The following AP5M1 variants were observed in gnomAD, a reference collection of about 807,000 sequenced individuals.
AP5M1 encodes the protein adaptor related protein complex 5 subunit mu 1.
In AP5M1, 44 loss-of-function variants were observed where a neutral mutation model predicts 52.3. The ratio of observed to expected loss-of-function variants is 0.84; its 90% CI spans 0.66 to 1.08. AP5M1 has a LOEUF of 1.08. AP5M1 is among the 50% of genes least tolerant of loss of function. The pLI, the probability that AP5M1 is intolerant of heterozygous loss-of-function variation, is 0.00. For missense variants in AP5M1, 526 were observed against 568.4 expected (o/e 0.93, Z 0.76); for synonymous variants, 213 against 199.0 (o/e 1.07, Z -0.59).
chr14:57,297,721 C>T lies in AP5M1; in HGVS notation c.*8837C>T, dbSNP rs191934225. The T allele has an allele frequency of 1.3e-5, 2 of 152,102 alleles. No homozygotes were observed. Among genetic ancestry groups the T allele is most frequent in the East Asian group, 3.9e-4 (2 of 5,180 alleles). 9.4% of individuals were successfully genotyped at this position (152,102 alleles called of 1,614,324 possible). On this transcript the variant is annotated 3_prime_UTR_variant, in exon 8 of 8. Transcript: ENST00000261558. Reference sequence around the variant, plus strand: ...TGGACAATGACATTCATTTTCATACCTTTATATTTCCAGTGCCACCAGAAA... The same window carrying T: ...TGGACAATGACATTCATTTTCATACTTTTATATTTCCAGTGCCACCAGAAA...
At chr14:57,284,783 G>A (rs1377816839) in intron 6 of AP5M1, among the ~76,000 whole-genome samples, 5 of 152,056 alleles carry the variant, frequency 3.3e-5, no homozygotes, top group African/African-American at 1.2e-4. Flanking sequence ...TCTAGTCCAG[G>A]ACCTAACACA....
Position 57,292,191 on chromosome 14 carries a change from C to G in AP5M1, c.*3307C>G, listed in dbSNP as rs1386556629. ...TGGGATGAATTCTGAACCTTTTAACCTGGCTGAAGTACGTTGGTCCCTGTT... is the reference window on the plus strand; with the variant it reads ...TGGGATGAATTCTGAACCTTTTAACGTGGCTGAAGTACGTTGGTCCCTGTT... On this transcript the variant is annotated 3_prime_UTR_variant, in exon 8 of 8. Transcript: ENST00000261558. The G allele has an allele frequency of 6.6e-6, 1 of 151,846 alleles. No homozygotes were observed. The highest frequency in any genetic ancestry group is 1.5e-5 in the Non-Finnish European group (1 of 67,860). 9.4% of individuals were successfully genotyped at this position (151,846 alleles called of 1,614,324 possible).
In AP5M1 at chr14:57,288,904, G is replaced by T. The variant is rs778432706; in HGVS notation, c.*20G>T. The T allele has an allele frequency of 2.2e-6, 3 of 1,350,712 alleles. No individual in the cohort carries two copies. In the African/African-American group the frequency reaches 4.4e-5, roughly 20 times the overall value. The allele number at this position is 1,350,712 out of a possible 1,614,324, so 83.7% of individuals were successfully genotyped here. ...TTGTAATAGTCTCATGTTTAAATGG[G>T]ATTATATAATGATAACAGTTTAAAG... On this transcript the variant is annotated 3_prime_UTR_variant, in exon 8 of 8. Coordinates refer to ENST00000261558, the MANE Select transcript of AP5M1 (RefSeq NM_018229.4).
At chr14:57,285,417 G>A (rs987278939) in intron 6 of AP5M1, among the ~76,000 whole-genome samples, 1 of 152,068 alleles carries the variant, frequency 6.6e-6, no homozygotes, top group Non-Finnish European at 1.5e-5. Context: ...AATGATCTAA[G>A]TGTGTTTTAC....
At position 57,282,919 on chromosome 14, in the gene AP5M1, C is replaced by T; in HGVS notation, c.1089-15C>T. On this transcript the variant is annotated splice_polypyrimidine_tract_variant and intron_variant, in intron 4 of 7. Transcript: ENST00000261558. Reference sequence around the variant, plus strand: ...ATCTATGATCTTTTTCTATTTTATCCTTTTCTTTTTAAAGAGGTCCAATTA... The same window carrying T: ...ATCTATGATCTTTTTCTATTTTATCTTTTTCTTTTTAAAGAGGTCCAATTA... 1 of 1,526,632 alleles carries T rather than the reference C, an allele frequency of 6.6e-7. No individual in the cohort carries two copies. The highest frequency in any genetic ancestry group is 8.9e-7 in the Non-Finnish European group (1 of 1,122,870). The allele number at this position is 1,526,632 out of a possible 1,614,324, so 94.6% of individuals were successfully genotyped here. A position where few individuals can be genotyped will look rare whatever the true frequency, so the allele number is the denominator to read the frequency against.
chr14:57,284,038 G>T (rs140158300), intron 6 of AP5M1, among the ~76,000 whole-genome samples: 8 of 152,288 alleles, frequency 5.3e-5, no homozygotes, highest in African/African-American at 1.7e-4. Context: ...TGTAGTCCTT[G>T]CCCTCCAGGA....
At chr14:57,287,095 T>C (rs944352692) in intron 7 of AP5M1, among the ~76,000 whole-genome samples, 11 of 151,950 alleles carry the variant, frequency 7.2e-5, no homozygotes, top group Non-Finnish European at 1.6e-4. Flanking sequence ...TCAGATCAAA[T>C]AGAAATATGT....
At position 57,280,211 on chromosome 14, in the gene AP5M1, T is replaced by C. The variant is rs775274957; in HGVS notation, c.737T>C (p.Ile246Thr). The C allele has an allele frequency of 6.2e-7, 1 of 1,613,278 alleles. No homozygotes were observed. Among genetic ancestry groups the C allele is most frequent in the South Asian group, 1.1e-5 (1 of 91,060 alleles). ...GCATTTCAGTGTGATTTGGAAGGAATCATGCCAAATGTTACCATCAGCTTG... is the reference window on the plus strand; with the variant it reads ...GCATTTCAGTGTGATTTGGAAGGAACCATGCCAAATGTTACCATCAGCTTG... Reference protein sequence around the residue: ...TVTCKCDLEGIMPNVTISLSL... With the variant: ...TVTCKCDLEGTMPNVTISLSL... Residue 246 changes from isoleucine (I) to threonine (T), a missense_variant, in exon 3 of 8, where the codon ATC (isoleucine) becomes ACC (threonine). This residue lies in a region of AP5M1 where 425 missense variants were observed against 430.6 expected (regional missense o/e 0.99). Coordinates refer to ENST00000261558, the MANE Select transcript of AP5M1 (RefSeq NM_018229.4).
At position 57,280,301 on chromosome 14, in the gene AP5M1, A is replaced by G. The variant is rs778696310; in HGVS notation, c.827A>G (p.Asp276Gly). ...ILVHPCVTSL[D>G]SAILTSSSID... The stretch of plus-strand genomic sequence containing the variant: ...GTTCACCCTTGTGTAACTTCTCTTG[A>G]CTCTGCAATTCTGACTTCTAGTAGT... Residue 276 changes from aspartate to glycine, a missense_variant, in exon 3 of 8, where the codon GAC becomes GGC. By Grantham distance (94) the Asp-to-Gly change is moderately conservative. This residue lies in a region of AP5M1 where 425 missense variants were observed against 430.6 expected (regional missense o/e 0.99). Coordinates refer to ENST00000261558, the MANE Select transcript of AP5M1 (RefSeq NM_018229.4). 2 of 1,613,660 alleles carry G rather than the reference A, an allele frequency of 1.2e-6. No individual in the cohort carries two copies. The highest frequency in any genetic ancestry group is 3.3e-4 in the Middle Eastern group (2 of 6,062).
rs1486961954 is a variant in AP5M1 at position 57,296,466 on chromosome 14, TA to T, written c.*7587del. 2 of 152,044 alleles carry T rather than the reference TA, an allele frequency of 1.3e-5. No individual in the cohort carries two copies. The highest frequency in any genetic ancestry group is 4.8e-5 in the African/African-American group (2 of 41,436). 9.4% of individuals were successfully genotyped at this position (152,044 alleles called of 1,614,324 possible). On this transcript the variant is annotated 3_prime_UTR_variant, in exon 8 of 8. Coordinates refer to ENST00000261558, the MANE Select transcript of AP5M1 (RefSeq NM_018229.4). ...ATATTTATTTTAAGTCTAGAATCAG[TA>T]AAAAGTTATGTGTTTGTCAATAATC...
intron 2 of AP5M1, among the ~76,000 whole-genome samples, chr14:57,276,364 C>T (rs1429299717): frequency 2.0e-5 from 3 of 152,050 alleles, no homozygotes; most frequent in African/African-American, 7.2e-5. Context: ...TCACTTGAGG[C>T]CAGGAGTTTG....
At chr14:57,272,003 G>T (rs190580866) in intron 1 of AP5M1, among the ~76,000 whole-genome samples, 53 of 152,244 alleles carry the variant, frequency 3.5e-4, no homozygotes, top group African/African-American at 1.0e-3. Context: ...TGTCTTTCTT[G>T]TACCAATACA....
chr14:57,274,113 T>C (rs770004176), intron 1 of AP5M1, 131 bp from the exon 2 acceptor site: 3 of 962,028 alleles, frequency 3.1e-6, no homozygotes, highest in South Asian at 3.6e-5. Context: ...TGTGGATGTG[T>C]GTATATATTT....
In AP5M1 at chr14:57,280,336, A is replaced by G. The variant is rs768462381; in HGVS notation, c.862A>G (p.Met288Val). 78 of 1,613,840 alleles carry G rather than the reference A, an allele frequency of 4.8e-5. No individual in the cohort carries two copies. The highest frequency in any genetic ancestry group is 1.1e-4 in the East Asian group (5 of 44,874). ...TCTGACTTCTAGTAGTATTGATGCA[A>G]TGGATGACTCTGCATTTAGTGGGCC... ...AILTSSSIDA[M>V]DDSAFSGPYK... The change falls in exon 3 of 8, where the codon ATG (methionine) becomes GTG (valine). Residue 288 changes from methionine to valine, a missense_variant. Coordinates refer to ENST00000261558, the MANE Select transcript of AP5M1 (RefSeq NM_018229.4).
intron 2 of AP5M1, among the ~76,000 whole-genome samples, chr14:57,276,331 T>C (rs1885035525): frequency 6.6e-6 from 1 of 152,204 alleles, no homozygotes. Context: ...ATCCCAGCAC[T>C]TTCAGAGGCC....
chr14:57,286,097 A>G (rs1178251944), intron 6 of AP5M1, 126 bp from the exon 7 acceptor site: 2 of 646,704 alleles, frequency 3.1e-6, no homozygotes, highest in Non-Finnish European at 5.5e-6. Flanking sequence ...CAAGTTTAGT[A>G]CTTGTGGTTT....
chr14:57,291,859 G>C lies in AP5M1; in HGVS notation c.*2975G>C, dbSNP rs959195679. ...CTCCTACACTACCCCTGGGAGCTAG[G>C]TAGGTGGAATTATCATCCAGGCCTT... On this transcript the variant is annotated 3_prime_UTR_variant, in exon 8 of 8. Transcript: ENST00000261558. The C allele has an allele frequency of 6.6e-6, 1 of 151,734 alleles. No homozygotes were observed. The highest frequency in any genetic ancestry group is 1.5e-5 in the Non-Finnish European group (1 of 67,788). The allele number at this position is 151,734 out of a possible 1,614,324, so 9.4% of individuals were successfully genotyped here.
chr14:57,280,109 GA>G, intron 2 of AP5M1, 85 bp from the exon 3 acceptor site: 1 of 956,432 alleles, frequency 1.0e-6, no homozygotes, highest in Non-Finnish European at 1.7e-6. Context: ...GTTAATTGGG[GA>G]AAATGACTTT....
intron 1 of AP5M1, among the ~76,000 whole-genome samples, chr14:57,270,302 C>T (rs1300523605): frequency 2.0e-5 from 3 of 152,214 alleles, no homozygotes; most frequent in Non-Finnish European, 4.4e-5. Context: ...TGTACAGTAA[C>T]TCATTGTAAA....
Sources: gnomAD v4.1 joint callset for allele counts (sites outside exome capture counted in the v4.1 genomes callset) on GRCh38, gnomAD v4.1.1 for gene constraint, gnomAD v4.1.1 regional missense constraint, MANE v1.5 for transcripts, NCBI Gene and HGNC (gene_info 2026-07-23, HGNC 2026-07-21) for gene names.